Variants in CHST11 observed in about 807,000 individuals in gnomAD.
The protein encoded by CHST11 is C4S-1.
In CHST11, 9 loss-of-function variants were observed where a neutral mutation model predicts 30.4. The observed-to-expected ratio is 0.30, with a 90% confidence interval of 0.18 to 0.52. CHST11 has a LOEUF of 0.52. Ranked by LOEUF, CHST11 falls within the 20% of genes least tolerant of loss-of-function variation. The pLI, the probability that CHST11 is intolerant of heterozygous loss-of-function variation, is 0.97. For missense variants in CHST11, 348 were observed against 460.6 expected (o/e 0.76, Z 2.24); for synonymous variants, 152 against 187.8 (o/e 0.81, Z 1.56).
chr12:104,637,300 TG>T (rs1566017760), intron 2 of CHST11, among the ~76,000 whole-genome samples: 1 of 17,862 alleles, frequency 5.6e-5, no homozygotes, highest in Non-Finnish European at 9.1e-5. Context: ...AGTGAGACCC[TG>T]TAAAAAAAAA....
chr12:104,540,182 G>A (rs543734530), intron 1 of CHST11, among the ~76,000 whole-genome samples: 1 of 152,336 alleles, frequency 6.6e-6, no homozygotes, highest in Non-Finnish European at 1.5e-5. Context: ...ATCTGAGGTT[G>A]GTTGAACCCA....
In CHST11 at chr12:104,544,774, CCA is replaced by C. The variant is rs201739445; in HGVS notation, c.119-57130_119-57129del. Among the ~76,000 whole-genome samples the C allele has an allele frequency of 2.5e-5, 3 of 120,644 alleles. 1 individual carries two copies. The highest frequency in any genetic ancestry group is 5.5e-5 in the Non-Finnish European group (3 of 54,270). The allele number at this position is 120,644 out of a possible 152,430, so 79.1% of individuals were successfully genotyped here. On this transcript the variant is annotated intron_variant, in intron 1 of 2. Transcript: ENST00000303694. ...ATGTGCCCTGGGGGTCACAGTCCCC[CCA>C]CCCCGGAGATAATGGATTTGGTGCT...
intron 2 of CHST11, among the ~76,000 whole-genome samples, chr12:104,668,231 A>G (rs985196513): frequency 6.6e-6 from 1 of 152,174 alleles, no homozygotes; most frequent in Non-Finnish European, 1.5e-5. Flanking sequence ...TATCCATGCC[A>G]AGTCTTATAT....
At chr12:104,722,512 C>T (rs544232914) in intron 2 of CHST11, among the ~76,000 whole-genome samples, 2 of 152,220 alleles carry the variant, frequency 1.3e-5, no homozygotes, top group South Asian at 2.1e-4. Context: ...GTGTAAGTGC[C>T]TCTGTAAAGT....
At chr12:104,485,937 A>C (rs1233749874) in intron 1 of CHST11, among the ~76,000 whole-genome samples, 1 of 152,164 alleles carries the variant, frequency 6.6e-6, no homozygotes, top group Non-Finnish European at 1.5e-5. Context: ...GGGCCTTTGC[A>C]CGGCCTGCTT....
intron 2 of CHST11, among the ~76,000 whole-genome samples, chr12:104,663,232 G>C (rs147108687): frequency 3.3e-5 from 5 of 152,316 alleles, no homozygotes; most frequent in Non-Finnish European, 4.4e-5. Context: ...ATCTCGTGAC[G>C]TTCTACTGAA....
intron 2 of CHST11, among the ~76,000 whole-genome samples, chr12:104,645,529 G>A (rs1048465922): frequency 8.5e-5 from 13 of 152,254 alleles, no homozygotes; most frequent in African/African-American, 2.9e-4. Context: ...GGTGGGCACC[G>A]CAGTTGTCTT....
At chr12:104,463,234 C>G (rs2037426138) in intron 1 of CHST11, among the ~76,000 whole-genome samples, 1 of 152,178 alleles carries the variant, frequency 6.6e-6, no homozygotes, top group African/African-American at 2.4e-5. Context: ...CAGGCCTCTT[C>G]TAAGTTCAGA....
chr12:104,667,973 G>A (rs763843153), intron 2 of CHST11, among the ~76,000 whole-genome samples: 13 of 152,138 alleles, frequency 8.5e-5, no homozygotes, highest in Non-Finnish European at 1.5e-4. Flanking sequence ...AATTCTAAAG[G>A]AACTGGATTC....
intron 1 of CHST11, among the ~76,000 whole-genome samples, chr12:104,543,978 G>A (rs1245565789): frequency 1.3e-5 from 2 of 151,742 alleles, no homozygotes; most frequent in African/African-American, 2.4e-5. Context: ...TAAAAAATTA[G>A]CCGAGCCTGG....
chr12:104,591,542 T>C (rs2038858650), intron 1 of CHST11: 2 of 152,874 alleles, frequency 1.3e-5, no homozygotes, highest in African/African-American at 4.8e-5. Flanking sequence ...GTGAACATTG[T>C]GGGAGGGAAA....
chr12:104,517,985 G>A (rs528450303), intron 1 of CHST11, among the ~76,000 whole-genome samples: 3 of 152,210 alleles, frequency 2.0e-5, no homozygotes, highest in African/African-American at 4.8e-5. Flanking sequence ...AGAAGTTCCC[G>A]CCTCTGAGTC....
chr12:104,460,684 G>GAC (rs2037400050), intron 1 of CHST11, among the ~76,000 whole-genome samples: 8 of 145,318 alleles, frequency 5.5e-5, no homozygotes, highest in African/African-American at 2.1e-4. Flanking sequence ...AAAAAAAAGA[G>GAC]ACAAAAAGGA....
intron 2 of CHST11, among the ~76,000 whole-genome samples, chr12:104,707,493 G>A (rs1241263109): frequency 6.6e-6 from 1 of 152,164 alleles, no homozygotes; most frequent in Admixed American, 6.5e-5. Context: ...TTCTCATGTA[G>A]TAGTCAAAAA....
At chr12:104,653,078 T>C (rs967985848) in intron 2 of CHST11, among the ~76,000 whole-genome samples, 5 of 152,204 alleles carry the variant, frequency 3.3e-5, no homozygotes, top group Non-Finnish European at 1.5e-5. Flanking sequence ...CACACTGTTG[T>C]GCAACAGCTC....
At chr12:104,581,201 AG>A in intron 1 of CHST11, among the ~76,000 whole-genome samples, 1 of 152,282 alleles carries the variant, frequency 6.6e-6, no homozygotes, top group South Asian at 2.1e-4. Flanking sequence ...TCTGATCCCA[AG>A]GGTGTTGGCC....
intron 1 of CHST11, among the ~76,000 whole-genome samples, chr12:104,576,132 A>T (rs181246596): frequency 5.7e-4 from 86 of 152,096 alleles, no homozygotes; most frequent in Non-Finnish European, 7.8e-4. Context: ...GGTTCACGTT[A>T]AGTATTCACT....
intron 1 of CHST11, among the ~76,000 whole-genome samples, chr12:104,559,459 A>C (rs1173777053): frequency 6.6e-6 from 1 of 152,140 alleles, no homozygotes; most frequent in African/African-American, 2.4e-5. Context: ...ACAAGTGAAC[A>C]CGGCTGGGCG....
At chr12:104,716,940 G>A (rs530882879) in intron 2 of CHST11, among the ~76,000 whole-genome samples, 1 of 152,240 alleles carries the variant, frequency 6.6e-6, no homozygotes, top group African/African-American at 2.4e-5. Flanking sequence ...TTATTGCTTC[G>A]GGGGCCACCT....
Sources: gnomAD v4.1 joint callset for allele counts (sites outside exome capture counted in the v4.1 genomes callset) on GRCh38, gnomAD v4.1.1 for gene constraint, MANE v1.5 for transcripts, NCBI Gene and HGNC (gene_info 2026-07-23, HGNC 2026-07-21) for gene names.